Variants in DOCK4 observed in about 807,000 individuals in gnomAD.
DOCK4 encodes the protein dedicator of cytokinesis protein 4.
Under a neutral mutation model 268.1 loss-of-function variants are expected in DOCK4, and 97 were observed. That is an observed-to-expected ratio of 0.36 (90% CI 0.31 to 0.43). DOCK4 has a LOEUF of 0.43. Among genes scored for constraint, DOCK4 ranks in the 20% least tolerant of loss-of-function variants. The pLI is 1.00. For synonymous variants in DOCK4, 954 were observed against 887.2 expected, an observed-to-expected ratio of 1.08 and a Z score of -1.34; for missense variants, 2,145 against 2,455.7, an observed-to-expected ratio of 0.87 and a Z score of 2.67.
chr7:112,194,047 C>G (rs1001661332), intron 1 of DOCK4, among the ~76,000 whole-genome samples: 43 of 152,062 alleles, frequency 2.8e-4, no homozygotes, highest in African/African-American at 1.0e-3. Flanking sequence ...TTAGTAACCT[C>G]CTTACTCCAT....
intron 51 of DOCK4, among the ~76,000 whole-genome samples, chr7:111,732,793 C>T (rs1450201257): frequency 1.3e-5 from 2 of 152,190 alleles, no homozygotes; most frequent in African/African-American, 4.8e-5. Context: ...AGGTAGAAAA[C>T]CCTTGGCCAT....
At chr7:112,038,594 G>A (rs1804060823) in intron 1 of DOCK4, among the ~76,000 whole-genome samples, 1 of 152,152 alleles carries the variant, frequency 6.6e-6, no homozygotes, top group South Asian at 2.1e-4. Flanking sequence ...ACTGGCTGTG[G>A]AGCTTCAACT....
chr7:111,804,844 C>T (rs1800559140), intron 30 of DOCK4, among the ~76,000 whole-genome samples: 1 of 152,150 alleles, frequency 6.6e-6, no homozygotes, highest in Non-Finnish European at 1.5e-5. Context: ...ACGTGATCCA[C>T]CCACCTCAGC....
At chr7:112,018,583 C>T (rs1802062647) in intron 1 of DOCK4, among the ~76,000 whole-genome samples, 1 of 152,130 alleles carries the variant, frequency 6.6e-6, no homozygotes, top group African/African-American at 2.4e-5. Context: ...ATTTCAGAAA[C>T]TATTGATTCC....
At chr7:112,035,805 T>C (rs946959756) in intron 1 of DOCK4, among the ~76,000 whole-genome samples, 1 of 151,848 alleles carries the variant, frequency 6.6e-6, no homozygotes, top group Non-Finnish European at 1.5e-5. Context: ...AAAAAAGCTC[T>C]CCAGAATAAA....
intron 1 of DOCK4, among the ~76,000 whole-genome samples, chr7:112,173,009 A>G (rs973572445): frequency 2.5e-4 from 38 of 152,222 alleles, no homozygotes; most frequent in Non-Finnish European, 8.8e-5. Context: ...ACGTCGTGTG[A>G]GCCCTTCATG....
chr7:112,096,366 A>T (rs1260971710), intron 1 of DOCK4, among the ~76,000 whole-genome samples: 1 of 151,900 alleles, frequency 6.6e-6, no homozygotes, highest in African/African-American at 2.4e-5. Context: ...ACTTTTTGGT[A>T]GATGTGGGGT....
At chr7:112,179,851 G>A (rs1818869533) in intron 1 of DOCK4, among the ~76,000 whole-genome samples, 1 of 152,118 alleles carries the variant, frequency 6.6e-6, no homozygotes, top group Non-Finnish European at 1.5e-5. Context: ...ATATTTAACT[G>A]GGGCTCGTAT....
At chr7:112,012,986 C>T (rs530934225) in intron 1 of DOCK4, among the ~76,000 whole-genome samples, 22 of 151,994 alleles carry the variant, frequency 1.4e-4, no homozygotes, top group African/African-American at 4.6e-4. Context: ...ATGAAAGTCA[C>T]GAAAAAAAGT....
At chr7:111,750,730 G>A (rs1585870140) in intron 42 of DOCK4, among the ~76,000 whole-genome samples, 1 of 152,200 alleles carries the variant, frequency 6.6e-6, no homozygotes, top group South Asian at 2.1e-4. Context: ...GATCCTGTGT[G>A]TTAGCTCAGT....
At chr7:111,891,929 C>CA (rs34333761) in intron 16 of DOCK4, among the ~76,000 whole-genome samples, 72,886 of 151,818 alleles carry the variant, frequency 0.48, 19,525 homozygotes, top group African/African-American at 0.74. Flanking sequence ...AACTCTTGGT[C>CA]AGTCAGGAAT....
intron 8 of DOCK4, chr7:111,976,580 A>G (rs1798224208): frequency 6.6e-6 from 1 of 152,020 alleles, no homozygotes; most frequent in South Asian, 2.1e-4. Context: ...CTAAATACTG[A>G]AAAAGAGAAC....
At position 111,739,074 on chromosome 7, in the gene DOCK4, A is replaced by AT; in HGVS notation, c.5232+59dup. ...GCAGCTACCGCGTGTTTCTGCAGAGATAGGTAAGCAATTCCAGAATTGTCC... is the reference window on the plus strand; with the variant it reads ...GCAGCTACCGCGTGTTTCTGCAGAGATTAGGTAAGCAATTCCAGAATTGTCC... On this transcript the variant is annotated intron_variant, in intron 49 of 52. Coordinates refer to ENST00000428084, the MANE Select transcript of DOCK4 (RefSeq NM_001363540.2). 3 of 1,450,626 alleles carry AT rather than the reference A, an allele frequency of 2.1e-6. 1 individual carries two copies. The South Asian group carries it at 3.4e-5, about 17-fold the overall frequency. 89.9% of individuals were successfully genotyped at this position (1,450,626 alleles called of 1,614,324 possible).
At chr7:111,977,033 G>A (rs3864649) in intron 8 of DOCK4, 99 bp downstream of exon 8, 184,704 of 1,364,960 alleles carry the variant, frequency 0.14, 13,261 homozygotes, top group Middle Eastern at 0.18. Flanking sequence ...AGCTGACGGA[G>A]TAAAAAATAT....
intron 22 of DOCK4, among the ~76,000 whole-genome samples, chr7:111,867,776 G>C (rs950799466): frequency 1.3e-5 from 2 of 152,178 alleles, no homozygotes; most frequent in African/African-American, 4.8e-5. Flanking sequence ...CATGCAGAGA[G>C]AGAAGGGAAA....
In DOCK4 at chr7:111,742,095, T is replaced by A. The variant is rs773736151; in HGVS notation, c.4715A>T (p.Lys1572Met). ...GGGTCTCATATCTTGAGGTACAAAC[T>A]TCTCATGCACGGCCAAACCAAATTC... ...ILEFGLAVHE[K>M]FVPQDMRPLH... The change falls in exon 45 of 53, where the codon AAG becomes ATG. Residue 1572 changes from lysine (K) to methionine (M), a missense_variant. Physicochemically the swap from Lys to Met is moderately conservative, Grantham distance 95 (BLOSUM62 -1). Transcript: ENST00000428084. The A allele has an allele frequency of 1.9e-6, 3 of 1,602,350 alleles. No homozygotes were observed. The highest frequency in any genetic ancestry group is 2.6e-6 in the Non-Finnish European group (3 of 1,176,022).
chr7:111,801,213 C>A (rs1303816516), intron 30 of DOCK4, among the ~76,000 whole-genome samples: 2 of 152,176 alleles, frequency 1.3e-5, no homozygotes, highest in African/African-American at 2.4e-5. Flanking sequence ...AGGTTTTTTG[C>A]GGACTGTGTG....
intron 1 of DOCK4, among the ~76,000 whole-genome samples, chr7:112,177,255 T>C (rs1336671909): frequency 1.3e-5 from 2 of 152,194 alleles, no homozygotes; most frequent in Non-Finnish European, 2.9e-5. Flanking sequence ...CCCCTTACTA[T>C]ACCTGTGTGA....
intron 13 of DOCK4, among the ~76,000 whole-genome samples, chr7:111,908,312 G>A (rs904422151): frequency 1.3e-5 from 2 of 151,948 alleles, no homozygotes; most frequent in African/African-American, 4.8e-5. Context: ...GCTGGGCATG[G>A]TGGCGGGCGC....
Sources: gnomAD v4.1 joint callset for allele counts (sites outside exome capture counted in the v4.1 genomes callset) on GRCh38, gnomAD v4.1.1 for gene constraint, MANE v1.5 for transcripts, NCBI Gene and HGNC (gene_info 2026-07-23, HGNC 2026-07-21) for gene names.